The following AGBL4 variants were observed in gnomAD, a reference collection of about 807,000 sequenced individuals.
AGBL4 encodes cytosolic carboxypeptidase 6.
Under a neutral mutation model 66.4 loss-of-function variants are expected in AGBL4, and 58 were observed. The observed-to-expected ratio is 0.87, with a 90% CI of 0.71 to 1.09. AGBL4 has a LOEUF of 1.09. AGBL4 is among the 50% of genes least tolerant of loss of function. The probability of loss-of-function intolerance (pLI) is 0.00; values close to 1 mark genes in which losing one functional copy is unlikely to be tolerated. For missense variants in AGBL4, 579 were observed against 631.0 expected (o/e 0.92, Z 0.88); for synonymous variants, 234 against 222.9 (o/e 1.05, Z -0.44).
At chr1:49,358,138 CT>C (rs1644058847) in intron 3 of AGBL4, among the ~76,000 whole-genome samples, 2 of 152,112 alleles carry the variant, frequency 1.3e-5, no homozygotes, top group Admixed American at 6.5e-5. Flanking sequence ...AAACTGGTGC[CT>C]GAGTATGAGG....
intron 3 of AGBL4, among the ~76,000 whole-genome samples, chr1:49,337,228 G>A (rs1020764298): frequency 6.6e-6 from 1 of 152,108 alleles, no homozygotes; most frequent in African/African-American, 2.4e-5. Flanking sequence ...TAGCTGATAG[G>A]AAAAGTGTTT....
Position 48,750,726 on chromosome 1 carries a change from G to C in AGBL4, c.635-87485C>G, listed in dbSNP as rs77650759. Among the ~76,000 whole-genome samples, 1,042 of 152,326 alleles carry C rather than the reference G, an allele frequency of 6.8e-3. 13 individuals are homozygous for C. The highest frequency in any genetic ancestry group is 0.024 in the African/African-American group (1,009 of 41,564). On this transcript the variant is annotated intron_variant, in intron 6 of 13. Transcript: ENST00000371839. Reference sequence around the variant, plus strand: ...TCAGAGCTATCCAATAATGAGATAGGCTGCACTGGAAGGCAGTGAGTGAGC... The same window carrying C: ...TCAGAGCTATCCAATAATGAGATAGCCTGCACTGGAAGGCAGTGAGTGAGC...
chr1:49,841,785 G>A, intron 2 of AGBL4: 1 of 317,862 alleles, frequency 3.1e-6, no homozygotes, highest in Non-Finnish European at 5.9e-6. Flanking sequence ...AAAATTTGCA[G>A]TCTGACAATG....
intron 3 of AGBL4, among the ~76,000 whole-genome samples, chr1:49,370,352 A>G (rs1290027641): frequency 6.6e-6 from 1 of 151,964 alleles, no homozygotes; most frequent in Non-Finnish European, 1.5e-5. Flanking sequence ...CACAGTCTTG[A>G]GTCTGAAATA....
intron 1 of AGBL4, among the ~76,000 whole-genome samples, chr1:49,987,093 A>G (rs1659560082): frequency 6.6e-6 from 1 of 152,060 alleles, no homozygotes; most frequent in Admixed American, 6.6e-5. Flanking sequence ...ACTCAAGGGA[A>G]AAAAACAGAT....
At chr1:48,913,511 AGATTCTCAT>A (rs2148883964) in intron 5 of AGBL4, among the ~76,000 whole-genome samples, 1 of 152,278 alleles carries the variant, frequency 6.6e-6, no homozygotes, top group African/African-American at 2.4e-5. Flanking sequence ...CAGCAGCCTT[AGATTCTCAT>A]AGGAGCGTGA....
intron 1 of AGBL4, among the ~76,000 whole-genome samples, chr1:49,885,810 A>G (rs1321005044): frequency 6.6e-6 from 1 of 152,144 alleles, no homozygotes; most frequent in African/African-American, 2.4e-5. Flanking sequence ...CAATAAAACA[A>G]ATAATGAAAA....
At chr1:49,449,582 C>T (rs899274324) in intron 3 of AGBL4, among the ~76,000 whole-genome samples, 8 of 151,820 alleles carry the variant, frequency 5.3e-5, no homozygotes, top group Non-Finnish European at 1.5e-5. Flanking sequence ...TTCTGAGGGA[C>T]AGGAGACTAA....
At chr1:49,492,581 T>C (rs1647216232) in intron 3 of AGBL4, among the ~76,000 whole-genome samples, 1 of 151,942 alleles carries the variant, frequency 6.6e-6, no homozygotes, top group Non-Finnish European at 1.5e-5. Context: ...CACATATAGG[T>C]TTGGTCACTG....
At chr1:50,001,290 C>A (rs1412149729) in intron 1 of AGBL4, among the ~76,000 whole-genome samples, 1 of 150,774 alleles carries the variant, frequency 6.6e-6, no homozygotes, top group African/African-American at 2.4e-5. Flanking sequence ...AGTAAGTAGA[C>A]TAAGTAAACC....
At chr1:49,424,600 G>A (rs767030334) in intron 3 of AGBL4, among the ~76,000 whole-genome samples, 4 of 152,196 alleles carry the variant, frequency 2.6e-5, no homozygotes, top group Admixed American at 6.5e-5. Flanking sequence ...AACGAAATGT[G>A]TGAGGGAAAT....
At chr1:48,800,148 A>G (rs1308609554) in intron 6 of AGBL4, among the ~76,000 whole-genome samples, 1 of 152,142 alleles carries the variant, frequency 6.6e-6, no homozygotes, top group Non-Finnish European at 1.5e-5. Context: ...TTTGTTGGCA[A>G]TTTTAAAAAT....
chr1:49,393,985 A>G (rs1349798710), intron 3 of AGBL4, among the ~76,000 whole-genome samples: 1 of 152,200 alleles, frequency 6.6e-6, no homozygotes, highest in African/African-American at 2.4e-5. Flanking sequence ...TTTATTCTAC[A>G]GACAATGGAA....
chr1:48,801,803 A>G (rs571950798), intron 6 of AGBL4, among the ~76,000 whole-genome samples: 1 of 152,178 alleles, frequency 6.6e-6, no homozygotes, highest in South Asian at 2.1e-4. Flanking sequence ...TCTTGGAGCA[A>G]AAGTTCACAG....
chr1:49,750,546 A>G (rs192852942), intron 2 of AGBL4, among the ~76,000 whole-genome samples: 199 of 151,914 alleles, frequency 1.3e-3, no homozygotes, highest in Non-Finnish European at 2.1e-3. Flanking sequence ...GCATTGTTCT[A>G]TTTTCTTAGT....
rs1411149654 is a variant in AGBL4 at position 49,290,525 on chromosome 1, G to T, written c.283-44661C>A. ...ACTCTAGAGAAAGGCATGGCAAAAT[G>T]GCATGGTTTATAATTGTATTAAGAA... On this transcript the variant is annotated intron_variant, in intron 3 of 13. Coordinates refer to ENST00000371839, the MANE Select transcript of AGBL4 (RefSeq NM_032785.4). 5.9e-5 allele frequency among the ~76,000 whole-genome samples: 9 copies of T among 152,142 alleles called. No homozygotes were observed. The East Asian group carries it at 1.3e-3, about 23-fold the overall frequency.
At position 49,412,563 on chromosome 1, in the gene AGBL4, C is replaced by G. The variant is rs148599085; in HGVS notation, c.283-166699G>C. 6.8e-4 allele frequency among the ~76,000 whole-genome samples: 104 copies of G among 152,178 alleles called. 2 individuals carry two copies. The East Asian group carries it at 0.018, about 27-fold the overall frequency. ...ATACCCAAATATGCTAGAAGTTTCC[C>G]CAGCATCATGCTTTTATATCACATT... is the stretch of plus-strand genomic sequence containing the variant. On this transcript the variant is annotated intron_variant, in intron 3 of 13. Transcript: ENST00000371839.
intron 4 of AGBL4, among the ~76,000 whole-genome samples, chr1:49,051,217 A>T (rs1423806517): frequency 2.6e-5 from 4 of 152,136 alleles, no homozygotes; most frequent in Admixed American, 2.0e-4. Context: ...TCCAGGTTGT[A>T]AGTCTTAAAA....
chr1:49,070,396 G>C (rs1268958886), intron 4 of AGBL4, among the ~76,000 whole-genome samples: 2 of 151,904 alleles, frequency 1.3e-5, no homozygotes, highest in Non-Finnish European at 2.9e-5. Flanking sequence ...ATTATTTTGA[G>C]ATGCATTCCA....
Sources: allele counts gnomAD v4.1 joint callset (sites outside exome capture counted in the v4.1 genomes callset), GRCh38; gene constraint gnomAD v4.1.1; transcripts MANE v1.5; gene names NCBI Gene and HGNC (gene_info 2026-07-23, HGNC 2026-07-21).